Variants in DAPK2 observed in about 807,000 individuals in gnomAD.
The protein encoded by DAPK2 is death-associated protein kinase 2.
A neutral mutation model predicts 44.1 loss-of-function variants in DAPK2; 35 were observed. That is an observed-to-expected ratio of 0.79 (90% CI 0.61 to 1.05). DAPK2 has a LOEUF of 1.05. Among genes scored for constraint, DAPK2 ranks in the 50% least tolerant of loss-of-function variants. DAPK2 has a pLI of 0.00. For synonymous variants in DAPK2, 174 were observed against 182.6 expected, an observed-to-expected ratio of 0.95 and a Z score of 0.38; for missense variants, 453 against 483.2, an observed-to-expected ratio of 0.94 and a Z score of 0.59.
At chr15:63,950,695 T>G (rs753618896) in intron 3 of DAPK2, among the ~76,000 whole-genome samples, 5 of 152,192 alleles carry the variant, frequency 3.3e-5, no homozygotes, top group Non-Finnish European at 5.9e-5. Flanking sequence ...ACCTCCAGCT[T>G]TGTTTAGTGT....
At chr15:63,965,497 T>C (rs1251703512) in intron 3 of DAPK2, among the ~76,000 whole-genome samples, 7 of 152,158 alleles carry the variant, frequency 4.6e-5, no homozygotes, top group African/African-American at 1.4e-4. Flanking sequence ...GGCTCTACAA[T>C]AGGCAGGTGG....
intron 1 of DAPK2, among the ~76,000 whole-genome samples, chr15:64,000,013 C>T (rs984402845): frequency 1.3e-5 from 2 of 152,072 alleles, no homozygotes. Flanking sequence ...ACTCCTGGGG[C>T]TCAAACTCCC....
intron 1 of DAPK2, among the ~76,000 whole-genome samples, chr15:64,034,303 G>C (rs1281723532): frequency 6.6e-6 from 1 of 152,174 alleles, no homozygotes; most frequent in Non-Finnish European, 1.5e-5. Context: ...ATGTGCGGTG[G>C]CTGATCCTAA....
chr15:63,979,840 G>A (rs971052778), intron 2 of DAPK2, among the ~76,000 whole-genome samples: 4 of 152,180 alleles, frequency 2.6e-5, no homozygotes, highest in East Asian at 1.9e-4. Context: ...ACTGGAACCC[G>A]GGAGGTAGAG....
chr15:63,938,025 A>G (rs1031627501), intron 4 of DAPK2, among the ~76,000 whole-genome samples: 1 of 152,104 alleles, frequency 6.6e-6, no homozygotes, highest in African/African-American at 2.4e-5. Flanking sequence ...AAATAACCTG[A>G]GTTTACCTTA....
Position 63,912,198 on chromosome 15 carries a change from C to G in DAPK2, c.859-1G>C. ...CCATGGCTTGCTGGTTGTCCACCGG[C>G]TGAGAGACAAAGCAGAGCATGGCAG... On this transcript the variant is annotated splice_acceptor_variant, in intron 8 of 10. Transcript: ENST00000261891. LOFTEE classifies it high-confidence loss of function. This position sits in a 1 kb window ranked among gnomAD's most constrained non-coding sequence, Gnocchi z 4.4. 6.2e-7 allele frequency: 1 copy of G among 1,614,040 alleles called. No homozygotes were observed.
chr15:63,984,753 G>A (rs1384473011), intron 1 of DAPK2, among the ~76,000 whole-genome samples: 1 of 152,190 alleles, frequency 6.6e-6, no homozygotes, highest in Non-Finnish European at 1.5e-5. Context: ...TAAGGGGCCA[G>A]CAGACTCCAG....
At chr15:63,925,900 G>A (rs767261818) in intron 7 of DAPK2, 41 bp downstream of exon 8, 1 of 1,613,402 alleles carries the variant, frequency 6.2e-7, no homozygotes, top group East Asian at 2.2e-5. Context: ...GACAGGAAGG[G>A]ATCAGTACCT....
upstream of DAPK2, among the ~76,000 whole-genome samples, chr15:64,044,133 A>C (rs945966814): frequency 6.6e-6 from 1 of 152,222 alleles, no homozygotes; most frequent in African/African-American, 2.4e-5. Context: ...CCAGCCTCGA[A>C]AAGCTGAAAT....
chr15:63,957,602 C>T (rs138456738), intron 3 of DAPK2, among the ~76,000 whole-genome samples: 41,517 of 148,736 alleles, frequency 0.28, 6,752 homozygotes, highest in Non-Finnish European at 0.36. Context: ...TGAGAACATG[C>T]GGTGTTTGGT....
In DAPK2 at chr15:64,011,589, C is replaced by T. The variant is rs375686385; in HGVS notation, c.93-27835G>A. Among the ~76,000 whole-genome samples, 28 of 152,310 alleles carry T rather than the reference C, an allele frequency of 1.8e-4. No homozygotes were observed. The East Asian group carries it at 5.2e-3, about 28-fold the overall frequency. ...CAGCCTTATACACTCCAGGTTGATG[C>T]TTGGATAATGAAAATGTTCTATATC... is the stretch of plus-strand genomic sequence containing the variant. On this transcript the variant is annotated intron_variant, in intron 1 of 10. Coordinates refer to ENST00000261891, the Ensembl canonical transcript of DAPK2.
chr15:63,979,139 G>A (rs555750774), intron 2 of DAPK2, among the ~76,000 whole-genome samples: 9 of 152,330 alleles, frequency 5.9e-5, no homozygotes, highest in Admixed American at 2.6e-4. Context: ...TGTGATGGGA[G>A]GCCAGCCCAA....
At chr15:64,019,938 A>C (rs1247203585) in intron 1 of DAPK2, among the ~76,000 whole-genome samples, 1 of 152,152 alleles carries the variant, frequency 6.6e-6, no homozygotes, top group Non-Finnish European at 1.5e-5. Flanking sequence ...TTCCATTTTC[A>C]TGCCACAGAG....
chr15:64,046,354 G>T (rs907782255), upstream of DAPK2: 9 of 12,202 alleles, frequency 7.4e-4, no homozygotes, highest in Non-Finnish European at 8.1e-4. This position sits in a 1 kb window ranked among gnomAD's most constrained non-coding sequence, Gnocchi z 5.3. Context: ...GGAGCGGCGG[G>T]CGCGGCGGGC....
chr15:63,956,576 T>C (rs1386291515), intron 3 of DAPK2, among the ~76,000 whole-genome samples: 2 of 152,060 alleles, frequency 1.3e-5, no homozygotes, highest in East Asian at 1.9e-4. Flanking sequence ...ATACTTGATA[T>C]GATTTCAATT....
rs117564318 is a variant in DAPK2, at chr15:63,983,644, C to A, written c.203G>T (p.Arg68Leu). The A allele has an allele frequency of 6.1e-4, 977 of 1,614,196 alleles. 1 individual carries two copies. The highest frequency in any genetic ancestry group is 8.0e-4 in the Non-Finnish European group (942 of 1,180,040). The stretch of plus-strand genomic sequence containing the variant: ...GCTCACCTCCCGCTCGATCTCCTCC[C>A]GGCTCACACCGCGCCGGCTCGCCCG... The change falls in exon 2 of 11, where the codon CGG (arginine) becomes CTG (leucine). Residue 68 changes from arginine (R) to leucine (L), a missense_variant. Arg to Leu is a moderately radical substitution (Grantham distance 102). Transcript: ENST00000261891.
chr15:63,969,926 G>A (rs1285696803), intron 3 of DAPK2, among the ~76,000 whole-genome samples: 3 of 152,114 alleles, frequency 2.0e-5, no homozygotes, highest in Non-Finnish European at 4.4e-5. Flanking sequence ...CTGGGCCAGG[G>A]GCACAAGCCA....
intron 3 of DAPK2, among the ~76,000 whole-genome samples, chr15:63,963,774 T>C (rs1001324018): frequency 2.6e-5 from 4 of 152,244 alleles, no homozygotes; most frequent in African/African-American, 9.6e-5. Context: ...ATATAATTCA[T>C]TATTTTAAAC....
At chr15:63,956,598 T>C (rs1437666339) in intron 3 of DAPK2, among the ~76,000 whole-genome samples, 1 of 152,072 alleles carries the variant, frequency 6.6e-6, no homozygotes, top group Non-Finnish European at 1.5e-5. Flanking sequence ...AAATTTTTTT[T>C]TTTTTTTAGA....
Sources: allele counts gnomAD v4.1 joint callset (sites outside exome capture counted in the v4.1 genomes callset), GRCh38; gene constraint gnomAD v4.1.1; non-coding constraint Gnocchi (gnomAD v3.1); transcripts MANE v1.5; gene names NCBI Gene and HGNC (gene_info 2026-07-23, HGNC 2026-07-21).